The following SPATA9 variants were observed in gnomAD, a reference collection of about 807,000 sequenced individuals.
The protein encoded by SPATA9 is spermatogenesis-associated protein 9.
SPATA9 carries 27 observed loss-of-function variants against 25.5 expected under a neutral mutation model. That is an observed-to-expected ratio of 1.06 (90% confidence interval 0.78 to 1.46). The LOEUF (loss-of-function observed/expected upper bound fraction) is 1.46. Among genes scored for constraint, SPATA9 ranks in the 40% most tolerant of loss-of-function variants. The pLI is 0.00. For synonymous variants in SPATA9, 102 were observed against 105.7 expected, an observed-to-expected ratio of 0.97 and a Z score of 0.21; for missense variants, 282 against 297.5, an observed-to-expected ratio of 0.95 and a Z score of 0.38.
chr5:95,723,195 G>A, the SPATA9 span, among the ~76,000 whole-genome samples: 1 of 151,634 alleles, frequency 6.6e-6, no homozygotes, highest in Non-Finnish European at 1.5e-5. Context: ...AAAAAAAAAA[G>A]ATAGCAAAAA....
At position 95,682,807 on chromosome 5, in the gene SPATA9, G is replaced by A; in HGVS notation, c.48C>T (p.Asn16=). 1 of 1,547,944 alleles carries A rather than the reference G, an allele frequency of 6.5e-7. No homozygotes were observed. Among genetic ancestry groups the A allele is most frequent in the Non-Finnish European group, 8.7e-7 (1 of 1,151,426 alleles). The part of the protein sequence containing the change: ...VGWICGQVLK[N]FSGRIEGIQK... ...GATTGTGTATACTTCTTCCAGAAAAGTTCTTCAACACCTGCCCACATATCC... is the reference window on the plus strand; with the variant it reads ...GATTGTGTATACTTCTTCCAGAAAAATTCTTCAACACCTGCCCACATATCC... The change falls in exon 1 of 5, where the codon AAC becomes AAT. Residue 16 remains asparagine (N), a synonymous_variant. Transcript: ENST00000274432.
chr5:95,686,701 T>A (rs1316837675), upstream of SPATA9, among the ~76,000 whole-genome samples: 1 of 152,054 alleles, frequency 6.6e-6, no homozygotes, highest in East Asian at 1.9e-4. Context: ...AGGACCCTCC[T>A]GGGGGGGTAA....
At chr5:95,653,556 A>G (rs184598160), downstream of SPATA9, among the ~76,000 whole-genome samples, 7 of 152,358 alleles carry the variant, frequency 4.6e-5, no homozygotes, top group East Asian at 1.3e-3. Context: ...TAATTTTGGC[A>G]GTCTTTAAGA....
intron 3 of SPATA9, among the ~76,000 whole-genome samples, chr5:95,672,366 C>T (rs1412889194): frequency 6.6e-6 from 1 of 151,818 alleles, no homozygotes; most frequent in South Asian, 2.1e-4. Flanking sequence ...CTGAAAAAAA[C>T]ATAAAGATTG....
At chr5:95,707,184 T>A in the SPATA9 span, among the ~76,000 whole-genome samples, 31 of 152,278 alleles carry the variant, frequency 2.0e-4, 1 homozygote, top group Non-Finnish European at 2.1e-4. Context: ...TTACCATGAA[T>A]AAGCCCTAGC....
At chr5:95,708,592 G>T in the SPATA9 span, 10 of 696,318 alleles carry the variant, frequency 1.4e-5, no homozygotes, top group African/African-American at 3.5e-5. Flanking sequence ...GTGATTCCCA[G>T]GACAGAGGTA....
intron 1 of SPATA9, among the ~76,000 whole-genome samples, chr5:95,696,745 G>A (rs762880168): frequency 2.0e-5 from 3 of 152,134 alleles, no homozygotes; most frequent in Non-Finnish European, 4.4e-5. Context: ...TGGTGTGCAG[G>A]TGGCTGAGAT....
chr5:95,707,619 G>A, the SPATA9 span, among the ~76,000 whole-genome samples: 2 of 152,158 alleles, frequency 1.3e-5, no homozygotes, highest in African/African-American at 4.8e-5. Flanking sequence ...CCGGGGCTTT[G>A]GGCGTTATCA....
At chr5:95,664,084 C>A in intron 3 of SPATA9, 36 bp from the exon 4 acceptor site, 1 of 1,278,526 alleles carries the variant, frequency 7.8e-7, no homozygotes, top group Non-Finnish European at 1.1e-6. Flanking sequence ...AATAAACAAA[C>A]ATTTTCAGTG....
At chr5:95,657,676 A>T (rs1269329905), downstream of SPATA9, 1 of 152,128 alleles carries the variant, frequency 6.6e-6, no homozygotes, top group Non-Finnish European at 1.5e-5. Context: ...ATATTATTAC[A>T]CTTCCTTTTC....
intron 1 of SPATA9, among the ~76,000 whole-genome samples, chr5:95,692,470 A>G (rs1038213532): frequency 1.7e-4 from 26 of 152,068 alleles, no homozygotes; most frequent in Admixed American, 1.6e-3. Flanking sequence ...TTGCCACAGA[A>G]CTGCATTTAA....
Position 95,682,589 on chromosome 5 carries a change from T to A in SPATA9, c.89A>T (p.Asp30Val). 1.2e-6 allele frequency: 2 copies of A among 1,613,778 alleles called. No homozygotes were observed. The highest frequency in any genetic ancestry group is 1.7e-6 in the Non-Finnish European group (2 of 1,179,858). The part of the protein sequence containing the change: ...RIEGIQKAIM[D>V]LVDEFKDEFP... ...TTCATCTTTAAACTCATCTACAAGG[T>A]CCATGATTGCTTTCTGGATCCCCTC... Residue 30 changes from aspartate (D) to valine (V), a missense_variant, in exon 2 of 5, where the codon GAC (aspartate) becomes GTC (valine). Coordinates refer to ENST00000274432, the MANE Select transcript of SPATA9 (RefSeq NM_031952.4).
chr5:95,711,699 A>G, the SPATA9 span, among the ~76,000 whole-genome samples: 1 of 152,222 alleles, frequency 6.6e-6, no homozygotes, highest in Non-Finnish European at 1.5e-5. Flanking sequence ...AGAGGGAGGC[A>G]GTACAGGGGG....
downstream of SPATA9, chr5:95,652,877 T>C: frequency 2.1e-6 from 1 of 469,994 alleles, no homozygotes. Flanking sequence ...CCATTGTTGT[T>C]TTGCTATAAT....
upstream of SPATA9, among the ~76,000 whole-genome samples, chr5:95,703,590 C>T (rs564631303): frequency 1.3e-5 from 2 of 151,922 alleles, no homozygotes; most frequent in East Asian, 3.9e-4. Context: ...GCCGAGATTG[C>T]ACCACTGCAT....
the SPATA9 span, among the ~76,000 whole-genome samples, chr5:95,710,720 T>C: frequency 1.6e-4 from 25 of 152,222 alleles, no homozygotes; most frequent in African/African-American, 5.8e-4. Flanking sequence ...TCTGTGTCTG[T>C]CCAAATTAAC....
chr5:95,688,847 C>T (rs1365620021), intron 1 of SPATA9, among the ~76,000 whole-genome samples: 2 of 152,116 alleles, frequency 1.3e-5, no homozygotes, highest in Non-Finnish European at 2.9e-5. Context: ...CAAAACTGCT[C>T]TAGTACTCCC....
chr5:95,666,645 T>A (rs1751833960), intron 3 of SPATA9, among the ~76,000 whole-genome samples: 1 of 152,166 alleles, frequency 6.6e-6, no homozygotes, highest in African/African-American at 2.4e-5. Context: ...TCCATTTATA[T>A]AACATACAAA....
chr5:95,695,695 T>C (rs912879864), intron 1 of SPATA9, among the ~76,000 whole-genome samples: 2 of 152,226 alleles, frequency 1.3e-5, no homozygotes, highest in Admixed American at 6.5e-5. Flanking sequence ...TTTATAATTA[T>C]CTTATTAGAA....
Sources: allele counts gnomAD v4.1 joint callset (sites outside exome capture counted in the v4.1 genomes callset), GRCh38; gene constraint gnomAD v4.1.1; transcripts MANE v1.5; gene names NCBI Gene and HGNC (gene_info 2026-07-23, HGNC 2026-07-21).